CCSER1: variants seen among roughly 807,000 people sequenced by gnomAD.
The protein encoded by CCSER1 is coiled-coil serine rich protein 1.
Under a neutral mutation model 82.0 loss-of-function variants are expected in CCSER1, and 41 were observed. The observed-to-expected ratio is 0.50, with a 90% confidence interval of 0.39 to 0.65. The LOEUF is 0.65. CCSER1 is among the 30% of genes least tolerant of loss of function. The pLI, the probability that CCSER1 is intolerant of heterozygous loss-of-function variation, is 0.00. For missense variants in CCSER1, 1,119 were observed against 1,064.2 expected (o/e 1.05, Z -0.72); for synonymous variants, 414 against 383.9 (o/e 1.08, Z -0.92).
chr4:91,283,659 A>G (rs1743077218), intron 10 of CCSER1, among the ~76,000 whole-genome samples: 1 of 152,114 alleles, frequency 6.6e-6, no homozygotes, highest in African/African-American at 2.4e-5. Flanking sequence ...TTTGTCTGCC[A>G]AAAATAGGAA....
chr4:90,636,933 A>G (rs529490937), intron 6 of CCSER1, among the ~76,000 whole-genome samples: 2 of 152,228 alleles, frequency 1.3e-5, no homozygotes, highest in Non-Finnish European at 2.9e-5. Context: ...TAAGAAATCT[A>G]CAAAAAAGTT....
At chr4:90,981,461 A>G (rs576428963) in intron 9 of CCSER1, among the ~76,000 whole-genome samples, 1 of 151,942 alleles carries the variant, frequency 6.6e-6, no homozygotes, top group South Asian at 2.1e-4. Flanking sequence ...TATTGCAAAG[A>G]TAATTACGTT....
At chr4:90,585,866 CTT>C (rs1169976052) in intron 5 of CCSER1, among the ~76,000 whole-genome samples, 3 of 152,150 alleles carry the variant, frequency 2.0e-5, no homozygotes, top group Non-Finnish European at 4.4e-5. Context: ...TGTACGGTCT[CTT>C]ATGTGTCAGA....
intron 1 of CCSER1, among the ~76,000 whole-genome samples, chr4:90,226,584 A>T (rs1451984290): frequency 1.3e-5 from 2 of 152,236 alleles, no homozygotes; most frequent in African/African-American, 4.8e-5. Context: ...AATTCAAGGA[A>T]TGGGAAGATA....
chr4:90,921,668 C>T (rs1453578580), intron 8 of CCSER1, among the ~76,000 whole-genome samples: 1 of 151,886 alleles, frequency 6.6e-6, no homozygotes, highest in African/African-American at 2.4e-5. Context: ...GGATGAAAGC[C>T]CTTGAAATAG....
chr4:90,267,636 A>T (rs1725477753), intron 1 of CCSER1, among the ~76,000 whole-genome samples: 1 of 152,176 alleles, frequency 6.6e-6, no homozygotes, highest in Non-Finnish European at 1.5e-5. Context: ...GCAGCTGAGC[A>T]CAGAGAGAAG....
intron 10 of CCSER1, among the ~76,000 whole-genome samples, chr4:91,125,268 A>T (rs1166111357): frequency 6.6e-6 from 1 of 151,706 alleles, no homozygotes; most frequent in African/African-American, 2.4e-5. Context: ...TCTCATTAAA[A>T]CTGATTAATA....
At chr4:90,701,539 G>C (rs550260983) in intron 6 of CCSER1, among the ~76,000 whole-genome samples, 226 of 152,296 alleles carry the variant, frequency 1.5e-3, no homozygotes, top group African/African-American at 5.3e-3. Context: ...TTTGTAGCTT[G>C]ATGGGGATGG....
intron 10 of CCSER1, among the ~76,000 whole-genome samples, chr4:91,348,713 C>G (rs1333618824): frequency 6.6e-6 from 1 of 152,044 alleles, no homozygotes; most frequent in Non-Finnish European, 1.5e-5. Flanking sequence ...CCATTTCATC[C>G]AGGTTATCAA....
chr4:91,194,189 C>T (rs573627852), intron 10 of CCSER1, among the ~76,000 whole-genome samples: 12 of 152,212 alleles, frequency 7.9e-5, no homozygotes, highest in South Asian at 4.2e-4. Flanking sequence ...AGGCTTGTCT[C>T]GAACTCCCGA....
intron 5 of CCSER1, among the ~76,000 whole-genome samples, chr4:90,611,991 T>C (rs1232312062): frequency 6.6e-6 from 1 of 151,662 alleles, no homozygotes; most frequent in Non-Finnish European, 1.5e-5. Context: ...TCTTTCTTAA[T>C]ATATCTCTTT....
chr4:90,335,701 C>G (rs1461802903), intron 3 of CCSER1, among the ~76,000 whole-genome samples: 1 of 152,148 alleles, frequency 6.6e-6, no homozygotes, highest in Non-Finnish European at 1.5e-5. Context: ...CATATTTCCC[C>G]CATGAAAAAC....
intron 1 of CCSER1, among the ~76,000 whole-genome samples, chr4:90,258,530 A>G: frequency 6.6e-6 from 1 of 152,284 alleles, no homozygotes; most frequent in South Asian, 2.1e-4. Context: ...AAACAAAAAT[A>G]TCAAAGTGAA....
chr4:90,531,998 T>A (rs1774594870), intron 5 of CCSER1, among the ~76,000 whole-genome samples: 1 of 151,986 alleles, frequency 6.6e-6, no homozygotes, highest in Non-Finnish European at 1.5e-5. Flanking sequence ...AATTTGATTT[T>A]AAGAGTATAT....
chr4:91,321,621 G>A (rs1746200768), intron 10 of CCSER1, among the ~76,000 whole-genome samples: 2 of 151,908 alleles, frequency 1.3e-5, no homozygotes, highest in South Asian at 2.1e-4. Context: ...TTTTTATTAG[G>A]AAATAGATTT....
intron 3 of CCSER1, among the ~76,000 whole-genome samples, chr4:90,357,531 T>C (rs1385206218): frequency 6.6e-6 from 1 of 152,012 alleles, no homozygotes; most frequent in Non-Finnish European, 1.5e-5. Context: ...AGAGATACTC[T>C]TGGGAAATGA....
At position 91,321,466 on chromosome 4, in the gene CCSER1, A is replaced by G. The variant is rs539339172; in HGVS notation, c.2217+235472A>G. On this transcript the variant is annotated intron_variant, in intron 10 of 10. Transcript: ENST00000509176. ...CCAAAAAGGTGCCGATTGCAGCTTA[A>G]CATAAGCAATCATTGATTTCTTCAA... is the stretch of plus-strand genomic sequence containing the variant. Among the ~76,000 whole-genome samples, 20 of 152,228 alleles carry G rather than the reference A, an allele frequency of 1.3e-4. 1 individual carries two copies. Among genetic ancestry groups the G allele is most frequent in the Admixed American group, 9.8e-4 (15 of 15,258 alleles).
At chr4:90,299,687 A>G (rs1477625646) in intron 1 of CCSER1, among the ~76,000 whole-genome samples, 2 of 152,082 alleles carry the variant, frequency 1.3e-5, no homozygotes, top group African/African-American at 4.8e-5. Context: ...GGAAACAGCA[A>G]AACATTTTGG....
At chr4:91,041,927 A>C (rs1331486592) in intron 9 of CCSER1, among the ~76,000 whole-genome samples, 1 of 152,174 alleles carries the variant, frequency 6.6e-6, no homozygotes, top group African/African-American at 2.4e-5. Context: ...TCTGAGGTCC[A>C]CTTGTTAGTT....
Sources: gnomAD v4.1 joint callset for allele counts (sites outside exome capture counted in the v4.1 genomes callset) on GRCh38, gnomAD v4.1.1 for gene constraint, MANE v1.5 for transcripts, NCBI Gene and HGNC (gene_info 2026-07-23, HGNC 2026-07-21) for gene names.